The following DCPH1 variants were observed in gnomAD, a reference collection of about 807,000 sequenced individuals.
DCPH1 encodes the protein damage-control phosphatase 1.
chr6:151,455,477 G>A, the DCPH1 span, among the ~76,000 whole-genome samples: 1 of 152,168 alleles, frequency 6.6e-6, no homozygotes, highest in African/African-American at 2.4e-5. Flanking sequence ...CGTGAACAAA[G>A]GTCTTTGCAT....
At chr6:151,457,393 A>T in the DCPH1 span, among the ~76,000 whole-genome samples, 1 of 152,228 alleles carries the variant, frequency 6.6e-6, no homozygotes, top group Admixed American at 6.5e-5. Context: ...ATGCTTCTGT[A>T]AAAGGGTGCC....
chr6:151,469,314 G>A, the DCPH1 span: 1 of 419,554 alleles, frequency 2.4e-6, no homozygotes, highest in Non-Finnish European at 4.2e-6. Context: ...GCTGGGTTAA[G>A]CAAGTTAAAG....
chr6:151,455,819 T>A, the DCPH1 span, among the ~76,000 whole-genome samples: 5 of 152,252 alleles, frequency 3.3e-5, no homozygotes, highest in Admixed American at 6.5e-5. Flanking sequence ...TATTTCAGAC[T>A]ATCACATGGG....
the DCPH1 span, chr6:151,452,544 T>G: frequency 1.2e-6 from 2 of 1,611,700 alleles, no homozygotes; most frequent in Admixed American, 1.7e-5. Context: ...TCGCGGAAAG[T>G]GATGGCTGTC....
chr6:151,452,513 A>G, the DCPH1 span: 62 of 1,610,388 alleles, frequency 3.9e-5, no homozygotes, highest in Non-Finnish European at 4.9e-5. Context: ...GCGATTGAAC[A>G]GCCGAGCTTT....
At chr6:151,452,669 GC>G in the DCPH1 span, 1 of 1,372,198 alleles carries the variant, frequency 7.3e-7, no homozygotes, top group Non-Finnish European at 9.9e-7. Flanking sequence ...GAGGGCGCCC[GC>G]TCCCCGGTGG....
the DCPH1 span, chr6:151,468,828 T>C: frequency 6.2e-7 from 1 of 1,614,170 alleles, no homozygotes; most frequent in Non-Finnish European, 8.5e-7. Flanking sequence ...TGCCTCAGGT[T>C]GCACCTGACT....
At chr6:151,467,089 A>G in the DCPH1 span, among the ~76,000 whole-genome samples, 1 of 152,110 alleles carries the variant, frequency 6.6e-6, no homozygotes, top group East Asian at 1.9e-4. Flanking sequence ...CATCTCTACT[A>G]AAAATACAAA....
At chr6:151,454,792 A>G in the DCPH1 span, 1 of 537,900 alleles carries the variant, frequency 1.9e-6, no homozygotes, top group Non-Finnish European at 3.3e-6. Context: ...AAGGTAATAC[A>G]TTGAAATGAA....
chr6:151,462,131 T>C, the DCPH1 span, among the ~76,000 whole-genome samples: 2 of 152,244 alleles, frequency 1.3e-5, no homozygotes, highest in Non-Finnish European at 2.9e-5. Context: ...ATGTGAAATT[T>C]AAACATATTA....
At chr6:151,458,707 TTGGACATTTCTACAAATGTTACTGA>T in the DCPH1 span, 934 of 652,112 alleles carry the variant, frequency 1.4e-3, 5 homozygotes, top group African/African-American at 0.014. Flanking sequence ...AATAGCATTG[TTGGACATTTCTACAAATGTTACTGA>T]TGGACATTTC....
the DCPH1 span, chr6:151,458,479 A>G: frequency 1.2e-6 from 2 of 1,613,374 alleles, no homozygotes; most frequent in East Asian, 2.2e-5. Context: ...AGTCTTTTAA[A>G]TGAAAGTGAT....
chr6:151,460,521 C>T, the DCPH1 span, among the ~76,000 whole-genome samples: 1 of 151,862 alleles, frequency 6.6e-6, no homozygotes, highest in Non-Finnish European at 1.5e-5. Flanking sequence ...TGCGGTGGCT[C>T]ACACCTGTAA....
At chr6:151,453,800 T>A in the DCPH1 span, among the ~76,000 whole-genome samples, 2 of 152,332 alleles carry the variant, frequency 1.3e-5, no homozygotes, top group Admixed American at 1.3e-4. Flanking sequence ...AAAATGATAA[T>A]CTGTAAATCT....
chr6:151,463,135 T>G, the DCPH1 span, among the ~76,000 whole-genome samples: 12,932 of 152,246 alleles, frequency 0.085, 1,631 homozygotes, highest in African/African-American at 0.28. Flanking sequence ...AAAACCACTC[T>G]TAGCATGTGA....
At chr6:151,468,350 T>C in the DCPH1 span, 1 of 1,539,702 alleles carries the variant, frequency 6.5e-7, no homozygotes, top group African/African-American at 1.4e-5. Flanking sequence ...CAGATTTCAC[T>C]GTGGGGAAAT....
the DCPH1 span, chr6:151,468,599 C>G: frequency 4.3e-6 from 7 of 1,614,162 alleles, no homozygotes; most frequent in African/African-American, 8.0e-5. Flanking sequence ...TTGTTGTCCT[C>G]TGAACTGGCT....
chr6:151,457,742 A>C, the DCPH1 span, among the ~76,000 whole-genome samples: 5 of 149,278 alleles, frequency 3.3e-5, no homozygotes, highest in African/African-American at 1.2e-4. Context: ...TACGTGTCTT[A>C]TTAGGCTTAC....
chr6:151,456,164 A>T, the DCPH1 span, among the ~76,000 whole-genome samples: 4 of 152,208 alleles, frequency 2.6e-5, no homozygotes, highest in East Asian at 7.7e-4. Context: ...TAACAATCTG[A>T]TCTCTCTTGC....
Sources: allele counts gnomAD v4.1 joint callset (sites outside exome capture counted in the v4.1 genomes callset), GRCh38; gene constraint gnomAD v4.1.1; transcripts MANE v1.5; gene names NCBI Gene and HGNC (gene_info 2026-07-23, HGNC 2026-07-21).